The following KCNK4 variants were observed in gnomAD, a reference collection of about 807,000 sequenced individuals.
The protein encoded by KCNK4 is potassium two pore domain channel subfamily K member 4.
In KCNK4, 22 loss-of-function variants were observed where a neutral mutation model predicts 28.8. That is an observed-to-expected ratio of 0.76 (90% CI 0.55 to 1.09). The LOEUF is 1.09. Ranked by LOEUF, KCNK4 falls within the 50% of genes least tolerant of loss-of-function variation. The pLI is 0.00. For synonymous variants in KCNK4, 263 were observed against 252.9 expected (o/e 1.04, Z -0.38); for missense variants, 483 against 546.3 (o/e 0.88, Z 1.15).
In KCNK4 at chr11:64,297,259, C is replaced by A. The variant is rs2135231951; in HGVS notation, c.454C>A (p.His152Asn). The A allele has an allele frequency of 6.2e-7, 1 of 1,613,014 alleles. No individual in the cohort carries two copies. The highest frequency in any genetic ancestry group is 1.3e-5 in the African/African-American group (1 of 75,026). Residue 152 changes from histidine to asparagine, a missense_variant, in exon 4 of 7, where the codon CAC becomes AAC. By Grantham distance (68) the His-to-Asn change is moderately conservative. Transcript: ENST00000422670. ...CTCCTCCCTGCGCCATGGCATCGGT[C>A]ACATTGAAGCCATCTTCTTGGTGAG... ...LGSSLRHGIG[H>N]IEAIFLKWHV...
intron 1 of KCNK4, 91 bp downstream of exon 1, chr11:64,291,657 C>T (rs1045998112): frequency 4.6e-5 from 7 of 151,858 alleles, no homozygotes; most frequent in African/African-American, 1.4e-4. Flanking sequence ...AGGGGGGCTT[C>T]TGCCGGCGGG....
rs962540686 is a variant in KCNK4 at position 64,293,092 on chromosome 11, G to A, written c.74G>A (p.Arg25Gln). ...LYLVSGALVF[R>Q]ALEQPHEQQA... ...TTGGTGTCTGGTGCCCTGGTGTTCCGGGCCCTGGAGCAGCCCCACGAGCAG... is the reference window on the plus strand; with the variant it reads ...TTGGTGTCTGGTGCCCTGGTGTTCCAGGCCCTGGAGCAGCCCCACGAGCAG... The change falls in exon 2 of 7, where the codon CGG (arginine) becomes CAG (glutamine). Residue 25 changes from arginine to glutamine, a missense_variant. Coordinates refer to ENST00000422670, the MANE Select transcript of KCNK4 (RefSeq NM_033310.3). 2 of 1,548,480 alleles carry A rather than the reference G, an allele frequency of 1.3e-6. No homozygotes were observed. The highest frequency in any genetic ancestry group is 2.4e-5 in the South Asian group (2 of 83,494).
At position 64,291,952 on chromosome 11, in the gene KCNK4, C is replaced by G. The variant is rs1280640063; in HGVS notation, c.-78+386C>G. ...GCTCCGAGGCGTCGCTGTGCGGACGCGGGGGAGGCGGTGGGAGCGAGCTGC... is the reference window on the plus strand; with the variant it reads ...GCTCCGAGGCGTCGCTGTGCGGACGGGGGGGAGGCGGTGGGAGCGAGCTGC... On this transcript the variant is annotated intron_variant, in intron 1 of 6. Transcript: ENST00000422670. 5.4e-6 allele frequency: 5 copies of G among 930,388 alleles called. No individual in the cohort carries two copies. In the African/African-American group the frequency reaches 9.1e-5, roughly 17 times the overall value. 57.6% of individuals were successfully genotyped at this position (930,388 alleles called of 1,614,324 possible).
At position 64,293,006 on chromosome 11, in the gene KCNK4, G is replaced by C. The variant is rs948855051; in HGVS notation, c.-13G>C. The C allele has an allele frequency of 1.3e-6, 2 of 1,535,876 alleles. No individual in the cohort carries two copies. The highest frequency in any genetic ancestry group is 1.8e-6 in the Non-Finnish European group (2 of 1,141,734). Reference sequence around the variant, plus strand: ...AGGCGGGCAGTGGAGCTGGCCCGGCGCCTGGGCGCGCCATGCGCAGCACCA... The same window carrying C: ...AGGCGGGCAGTGGAGCTGGCCCGGCCCCTGGGCGCGCCATGCGCAGCACCA... On this transcript the variant is annotated 5_prime_UTR_variant, in exon 2 of 7. Transcript: ENST00000422670.
Position 64,299,805 on chromosome 11 carries a change from C to T in KCNK4, c.*79C>T. 6.5e-7 allele frequency: 1 copy of T among 1,535,794 alleles called. No individual in the cohort carries two copies. Among genetic ancestry groups the T allele is most frequent in the Non-Finnish European group, 8.7e-7 (1 of 1,146,830 alleles). On this transcript the variant is annotated 3_prime_UTR_variant, in exon 7 of 7. Transcript: ENST00000422670. ...ATGCCTGGCTTGTTTGACCAAAGAG[C>T]CCTCTTTCCACGAGACTGAAGTCTG... is the stretch of plus-strand genomic sequence containing the variant.
rs1474199073 is a variant in KCNK4 at position 64,296,762 on chromosome 11, G to A, written c.190-116G>A. 2.7e-6 allele frequency: 3 copies of A among 1,122,328 alleles called. No individual in the cohort carries two copies. The African/African-American group carries it at 4.8e-5, about 18-fold the overall frequency. The allele number at this position is 1,122,328 out of a possible 1,614,324, so 69.5% of individuals were successfully genotyped here. On this transcript the variant is annotated intron_variant, in intron 2 of 6. Transcript: ENST00000422670. ...GGACTGCCTCCTGGGAGACCAAAGG[G>A]AAGGGGAGAACAGGGAGGAGCAGGG... is the stretch of plus-strand genomic sequence containing the variant.
chr11:64,299,813 C>G lies in KCNK4; in HGVS notation c.*87C>G. On this transcript the variant is annotated 3_prime_UTR_variant, in exon 7 of 7. Transcript: ENST00000422670. ...CTTGTTTGACCAAAGAGCCCTCTTT[C>G]CACGAGACTGAAGTCTGGGGAGGAG... 2 of 1,535,616 alleles carry G rather than the reference C, an allele frequency of 1.3e-6. No individual in the cohort carries two copies. Among genetic ancestry groups the G allele is most frequent in the Non-Finnish European group, 8.7e-7 (1 of 1,146,698 alleles).
Position 64,299,410 on chromosome 11 carries a change from GAGCCGGGCC to G in KCNK4, c.867_875del (p.Gly291_Ala293del). Reference sequence around the variant, plus strand: ...ACGGTGACAGCGCGCGTGACCCAGCGAGCCGGGCCCGCCGCCCCGCCGCCGGAGAAGGAG... The same window carrying G: ...ACGGTGACAGCGCGCGTGACCCAGCGCGCCGCCCCGCCGCCGGAGAAGGAG... On this transcript the variant is annotated inframe_deletion, in exon 7 of 7. Transcript: ENST00000422670. 1.3e-6 allele frequency: 2 copies of G among 1,573,552 alleles called. No homozygotes were observed. The highest frequency in any genetic ancestry group is 2.3e-5 in the South Asian group (2 of 87,496).
intron 2 of KCNK4, 39 bp from the exon 3 acceptor site, chr11:64,296,839 G>C: frequency 6.7e-7 from 1 of 1,497,426 alleles, no homozygotes; most frequent in Non-Finnish European, 8.9e-7. Flanking sequence ...AGACAGGAGG[G>C]AAGAACTGAA....
At position 64,291,973 on chromosome 11, in the gene KCNK4, G is replaced by A. The variant is rs1046281475; in HGVS notation, c.-78+407G>A. 29 of 1,083,114 alleles carry A rather than the reference G, an allele frequency of 2.7e-5. No individual in the cohort carries two copies. In the East Asian group the frequency reaches 9.3e-4, roughly 35 times the overall value. 67.1% of individuals were successfully genotyped at this position (1,083,114 alleles called of 1,614,324 possible). On this transcript the variant is annotated intron_variant, in intron 1 of 6. Transcript: ENST00000422670. ...GACGCGGGGGAGGCGGTGGGAGCGA[G>A]CTGCGGGCGCTGCGCGGTGGCCCTG... is the stretch of plus-strand genomic sequence containing the variant.
In KCNK4 at chr11:64,299,817, G is replaced by A. The variant is rs1032201805; in HGVS notation, c.*91G>A. On this transcript the variant is annotated 3_prime_UTR_variant, in exon 7 of 7. Coordinates refer to ENST00000422670, the MANE Select transcript of KCNK4 (RefSeq NM_033310.3). Reference sequence around the variant, plus strand: ...TTTGACCAAAGAGCCCTCTTTCCACGAGACTGAAGTCTGGGGAGGAGGCTA... The same window carrying A: ...TTTGACCAAAGAGCCCTCTTTCCACAAGACTGAAGTCTGGGGAGGAGGCTA... The A allele has an allele frequency of 3.9e-6, 6 of 1,535,304 alleles. No homozygotes were observed. The highest frequency in any genetic ancestry group is 2.7e-5 in the African/African-American group (2 of 72,986).
rs1332175038 is a variant in KCNK4 at position 64,297,102 on chromosome 11, A to C, written c.314-17A>C. ...CCCAGGTGGCCCCTAGACTTCCTGCATCGCCCCTCTGCCCAGGCTATGGCA... is the reference window on the plus strand; with the variant it reads ...CCCAGGTGGCCCCTAGACTTCCTGCCTCGCCCCTCTGCCCAGGCTATGGCA... On this transcript the variant is annotated splice_polypyrimidine_tract_variant and intron_variant, in intron 3 of 6. Coordinates refer to ENST00000422670, the MANE Select transcript of KCNK4 (RefSeq NM_033310.3). The C allele has an allele frequency of 1.2e-6, 2 of 1,613,956 alleles. No homozygotes were observed. The highest frequency in any genetic ancestry group is 2.7e-5 in the African/African-American group (2 of 74,928).
intron 6 of KCNK4, among the ~76,000 whole-genome samples, chr11:64,299,107 A>G (rs1030294396): frequency 4.7e-5 from 7 of 150,214 alleles, no homozygotes; most frequent in African/African-American, 1.7e-4. Flanking sequence ...ATATATTTAT[A>G]CTAAAATTTT....
rs1351015891 is a variant in KCNK4, at chr11:64,296,894, T to C, written c.206T>C (p.Leu69Pro). ...GTCCTGCAGGAGGTGGCTGATGCCC[T>C]GGGAGGGGGTGCGGACCCAGAAACC... ...GLLIKEVADA[L>P]GGGADPETNS... The change falls in exon 3 of 7, where the codon CTG (leucine) becomes CCG (proline). Residue 69 changes from leucine (L) to proline (P), a missense_variant. Physicochemically the swap from Leu to Pro is moderately conservative, Grantham distance 98. Transcript: ENST00000422670. 3 of 1,510,646 alleles carry C rather than the reference T, an allele frequency of 2.0e-6. No individual in the cohort carries two copies. The highest frequency in any genetic ancestry group is 1.4e-5 in the African/African-American group (1 of 71,482). 93.6% of individuals were successfully genotyped at this position (1,510,646 alleles called of 1,614,324 possible). A position where few individuals can be genotyped will look rare whatever the true frequency, so the allele number is the denominator to read the frequency against.
At position 64,293,113 on chromosome 11, in the gene KCNK4, A is replaced by G. The variant is rs1405245573; in HGVS notation, c.95A>G (p.Glu32Gly). The change falls in exon 2 of 7, where the codon GAG becomes GGG. Residue 32 changes from glutamate (E) to glycine (G), a missense_variant. By Grantham distance (98) the Glu-to-Gly change is moderately conservative (BLOSUM62 -2). Coordinates refer to ENST00000422670, the MANE Select transcript of KCNK4 (RefSeq NM_033310.3). ...TTCCGGGCCCTGGAGCAGCCCCACG[A>G]GCAGCAGGCCCAGAGGGAGCTGGGG... is the stretch of plus-strand genomic sequence containing the variant. ...LVFRALEQPH[E>G]QQAQRELGEV... is the part of the protein sequence containing the mutation. The G allele has an allele frequency of 6.5e-7, 1 of 1,547,456 alleles. No individual in the cohort carries two copies. The highest frequency in any genetic ancestry group is 1.4e-5 in the African/African-American group (1 of 72,894).
chr11:64,297,518 C>T lies in KCNK4; in HGVS notation c.526C>T (p.Leu176=). The T allele has an allele frequency of 1.2e-6, 2 of 1,614,184 alleles. No individual in the cohort carries two copies. The highest frequency in any genetic ancestry group is 1.7e-6 in the Non-Finnish European group (2 of 1,180,034). Residue 176 remains leucine, a synonymous_variant, in exon 5 of 7, where the codon CTG becomes TTG. Coordinates refer to ENST00000422670, the MANE Select transcript of KCNK4 (RefSeq NM_033310.3). ...LVRVLSAMLF[L]LIGCLLFVLT... is the part of the protein sequence containing the mutation. Reference sequence around the variant, plus strand: ...AAGAGTGCTGTCGGCGATGCTTTTCCTGCTGATCGGCTGCCTGCTCTTTGT... The same window carrying T: ...AAGAGTGCTGTCGGCGATGCTTTTCTTGCTGATCGGCTGCCTGCTCTTTGT...
chr11:64,299,767 T>C lies in KCNK4; in HGVS notation c.*41T>C. The C allele has an allele frequency of 6.5e-7, 1 of 1,539,292 alleles. No individual in the cohort carries two copies. Among genetic ancestry groups the C allele is most frequent in the Non-Finnish European group, 8.7e-7 (1 of 1,148,414 alleles). ...CCGGGCCTCTCAAGGGCTTCGTTTC[T>C]GCTCTCCCCGGCATGCCTGGCTTGT... is the stretch of plus-strand genomic sequence containing the variant. On this transcript the variant is annotated 3_prime_UTR_variant, in exon 7 of 7. Transcript: ENST00000422670.
Position 64,291,393 on chromosome 11 carries a change from C to G in KCNK4, c.-251C>G, listed in dbSNP as rs1456240027. The G allele has an allele frequency of 6.6e-6, 1 of 152,398 alleles. No homozygotes were observed. The highest frequency in any genetic ancestry group is 1.5e-5 in the Non-Finnish European group (1 of 68,182). The allele number at this position is 152,398 out of a possible 1,614,324, so 9.4% of individuals were successfully genotyped here. A position where few individuals can be genotyped will look rare whatever the true frequency, so the allele number is the denominator to read the frequency against. ...ATGGGCCTGGGAGATGCCAGATTAG[C>G]GTGGTGCCTGTCCGGAGAGACGGGC... On this transcript the variant is annotated 5_prime_UTR_variant, in exon 1 of 7. Transcript: ENST00000422670.
intron 6 of KCNK4, among the ~76,000 whole-genome samples, chr11:64,298,768 G>C (rs2034842583): frequency 6.6e-6 from 1 of 151,992 alleles, no homozygotes; most frequent in Admixed American, 6.6e-5. Context: ...TATGGCGGGG[G>C]GCAGTGGCTC....
Sources: allele counts gnomAD v4.1 joint callset (sites outside exome capture counted in the v4.1 genomes callset), GRCh38; gene constraint gnomAD v4.1.1; transcripts MANE v1.5; gene names NCBI Gene and HGNC (gene_info 2026-07-23, HGNC 2026-07-21).